The following IFT88 variants were observed in gnomAD, a reference collection of about 807,000 sequenced individuals.
IFT88 encodes intraflagellar transport protein 88 homolog.
A neutral mutation model predicts 119.5 loss-of-function variants in IFT88; 74 were observed. The ratio of observed to expected loss-of-function variants is 0.62; its 90% CI spans 0.51 to 0.75. IFT88 has a LOEUF of 0.75. Ranked by LOEUF, IFT88 falls within the 30% of genes least tolerant of loss-of-function variation. The probability of loss-of-function intolerance (pLI) is 0.00; values close to 1 mark genes in which losing one functional copy is unlikely to be tolerated. For missense variants in IFT88, 961 were observed against 977.7 expected (o/e 0.98, Z 0.23); for synonymous variants, 279 against 316.7 (o/e 0.88, Z 1.26).
intron 24 of IFT88, among the ~76,000 whole-genome samples, chr13:20,689,817 C>T (rs1185172489): frequency 6.6e-6 from 1 of 151,920 alleles, no homozygotes; most frequent in African/African-American, 2.4e-5. Context: ...GACTTGAGCT[C>T]ACTCAGGCAG....
chr13:20,588,614 C>T (rs2040137239), intron 3 of IFT88, among the ~76,000 whole-genome samples: 1 of 152,184 alleles, frequency 6.6e-6, no homozygotes, highest in South Asian at 2.1e-4. Context: ...GTACTACTTA[C>T]ATTTCATATG....
In IFT88 at chr13:20,597,043, G is replaced by A; in HGVS notation, c.518G>A (p.Arg173Lys). ...LALEKAKDAG[R>K]KERVLVRQRE... ...TTAGAAAAGGCAAAAGATGCAGGAA[G>A]AAAAGAGAGAGTCCTGGTGAGACAG... Residue 173 changes from arginine to lysine, a missense_variant, in exon 9 of 26, where the codon AGA (arginine) becomes AAA (lysine). Coordinates refer to ENST00000351808, the MANE Select transcript of IFT88 (RefSeq NM_006531.5). 1 of 1,606,246 alleles carries A rather than the reference G, an allele frequency of 6.2e-7. No individual in the cohort carries two copies. Among genetic ancestry groups the A allele is most frequent in the South Asian group, 1.1e-5 (1 of 89,384 alleles).
intron 2 of IFT88, among the ~76,000 whole-genome samples, chr13:20,575,877 A>G (rs538446109): frequency 3.3e-5 from 5 of 152,342 alleles, no homozygotes; most frequent in African/African-American, 9.6e-5. Flanking sequence ...TCGTTTGAGT[A>G]TATTCCTAGC....
At chr13:20,567,669 G>A in intron 1 of IFT88, 6 of 1,031,618 alleles carry the variant, frequency 5.8e-6, no homozygotes, top group Non-Finnish European at 7.2e-6. Flanking sequence ...TTTCTTGTTA[G>A]GTGAAGCACT....
chr13:20,600,660 T>C (rs2042439404), intron 11 of IFT88, among the ~76,000 whole-genome samples: 1 of 152,172 alleles, frequency 6.6e-6, no homozygotes. Flanking sequence ...AGAAACCTCA[T>C]TCACTGAGAT....
chr13:20,599,869 C>T (rs1197944674), intron 11 of IFT88, among the ~76,000 whole-genome samples: 1 of 151,838 alleles, frequency 6.6e-6, no homozygotes, highest in Non-Finnish European at 1.5e-5. Flanking sequence ...TAATAGCAGT[C>T]CTCCAGAACA....
chr13:20,622,393 T>A (rs2046682310), intron 14 of IFT88, among the ~76,000 whole-genome samples: 1 of 152,232 alleles, frequency 6.6e-6, no homozygotes, highest in East Asian at 1.9e-4. Flanking sequence ...TTTGGTTTTG[T>A]GAGAAACTGC....
chr13:20,593,809 G>A (rs2041159535), intron 7 of IFT88, among the ~76,000 whole-genome samples: 2 of 152,184 alleles, frequency 1.3e-5, no homozygotes, highest in South Asian at 4.2e-4. Context: ...CAGCCTTTTG[G>A]GAGGCCAAGG....
intron 22 of IFT88, among the ~76,000 whole-genome samples, chr13:20,662,467 T>C (rs1011710039): frequency 8.5e-5 from 13 of 152,132 alleles, no homozygotes; most frequent in African/African-American, 2.7e-4. Context: ...GCCAGCATCA[T>C]CCTGATACCA....
intron 9 of IFT88, among the ~76,000 whole-genome samples, chr13:20,597,752 A>ATATATATATATATATATATAT (rs1401851558): frequency 1.5e-5 from 2 of 133,360 alleles, no homozygotes; most frequent in Admixed American, 7.2e-5. Flanking sequence ...TCTCAAAAAA[A>ATATATATATATATATATATAT]AAATATATAT....
intron 7 of IFT88, among the ~76,000 whole-genome samples, 189 bp downstream of exon 7, chr13:20,592,593 C>T (rs1272479501): frequency 1.3e-5 from 2 of 152,090 alleles, no homozygotes; most frequent in Non-Finnish European, 2.9e-5. Context: ...TCTTAGCCTC[C>T]TGAGTAGCTG....
intron 13 of IFT88, among the ~76,000 whole-genome samples, chr13:20,608,551 G>A (rs1281311827): frequency 1.3e-5 from 2 of 152,224 alleles, no homozygotes; most frequent in Non-Finnish European, 2.9e-5. Flanking sequence ...TGGGATCGCT[G>A]TGGCTGTAGA....
intron 7 of IFT88, 40 bp downstream of exon 7, chr13:20,592,444 C>A: frequency 1.4e-6 from 2 of 1,440,944 alleles, no homozygotes; most frequent in African/African-American, 1.4e-5. Context: ...GTTGTTGCTG[C>A]ATATTTTAAA....
chr13:20,663,937 C>A (rs545259543), intron 23 of IFT88, among the ~76,000 whole-genome samples: 110 of 152,332 alleles, frequency 7.2e-4, no homozygotes, highest in African/African-American at 2.5e-3. Context: ...CCATGAGAGA[C>A]AGTTACTTCT....
intron 15 of IFT88, among the ~76,000 whole-genome samples, 198 bp downstream of exon 15, chr13:20,626,047 T>C (rs865993862): frequency 3.9e-3 from 31 of 7,862 alleles, no homozygotes; most frequent in Non-Finnish European, 6.1e-3. Context: ...TCGTTTCTTT[T>C]TTTTTTTTTT....
chr13:20,588,999 A>G (rs1241378283), intron 3 of IFT88, among the ~76,000 whole-genome samples: 1 of 152,218 alleles, frequency 6.6e-6, no homozygotes, highest in Non-Finnish European at 1.5e-5. Flanking sequence ...AGCTGTGTCC[A>G]GTGTCTCAGA....
At chr13:20,672,618 A>C (rs75353451) in intron 24 of IFT88, among the ~76,000 whole-genome samples, 1,855 of 152,260 alleles carry the variant, frequency 0.012, 37 homozygotes, top group African/African-American at 0.043. Flanking sequence ...CTCCTTACCC[A>C]AAACCCCTGG....
chr13:20,647,694 G>T (rs1034637567), intron 20 of IFT88, among the ~76,000 whole-genome samples: 2 of 152,088 alleles, frequency 1.3e-5, no homozygotes, highest in East Asian at 3.8e-4. Flanking sequence ...TGTGATGATG[G>T]TTATTATAAG....
At chr13:20,599,331 A>G (rs954439574) in intron 10 of IFT88, 120 bp from the exon 11 acceptor site, 1 of 518,370 alleles carries the variant, frequency 1.9e-6, no homozygotes, top group African/African-American at 2.0e-5. Context: ...AGAATTTTAG[A>G]TAATATCTGA....
Sources: gnomAD v4.1 joint callset for allele counts (sites outside exome capture counted in the v4.1 genomes callset) on GRCh38, gnomAD v4.1.1 for gene constraint, MANE v1.5 for transcripts, NCBI Gene and HGNC (gene_info 2026-07-23, HGNC 2026-07-21) for gene names.